Variants in GABRG3 observed in about 807,000 individuals in gnomAD.
GABRG3 encodes the protein gamma-aminobutyric acid receptor subunit gamma-3.
A neutral mutation model predicts 48.8 loss-of-function variants in GABRG3; 25 were observed. That is an observed-to-expected ratio of 0.51 (90% CI 0.37 to 0.72). The LOEUF is 0.72. Among genes scored for constraint, GABRG3 ranks in the 30% least tolerant of loss-of-function variants. The probability of loss-of-function intolerance (pLI) is 0.00; values close to 1 mark genes in which losing one functional copy is unlikely to be tolerated. For missense variants in GABRG3, 394 were observed against 577.9 expected (o/e 0.68, Z 3.26); for synonymous variants, 227 against 217.6 (o/e 1.04, Z -0.38).
Position 27,392,442 on chromosome 15 carries a change from G to A in GABRG3, c.574+63554G>A, listed in dbSNP as rs368978743. Among the ~76,000 whole-genome samples, 57 of 152,286 alleles carry A rather than the reference G, an allele frequency of 3.7e-4. No homozygotes were observed. The South Asian group carries it at 5.4e-3, about 14-fold the overall frequency. Reference sequence around the variant, plus strand: ...ACAATGTTTTTATTATCCATAGACCGGGGTTATGCGTTTTTGAGAGGAAGA... The same window carrying A: ...ACAATGTTTTTATTATCCATAGACCAGGGTTATGCGTTTTTGAGAGGAAGA... On this transcript the variant is annotated intron_variant, in intron 5 of 9. Coordinates refer to ENST00000615808, the MANE Select transcript of GABRG3 (RefSeq NM_033223.5).
intron 6 of GABRG3, among the ~76,000 whole-genome samples, chr15:27,513,895 A>T (rs1018674996): frequency 1.3e-5 from 2 of 152,236 alleles, no homozygotes; most frequent in African/African-American, 4.8e-5. Context: ...TCAAGAACTA[A>T]ATCTAACAAA....
intron 3 of GABRG3, among the ~76,000 whole-genome samples, chr15:27,302,482 T>C (rs575914240): frequency 6.6e-6 from 1 of 152,172 alleles, no homozygotes; most frequent in East Asian, 1.9e-4. Flanking sequence ...AGATGCAACA[T>C]ACATGAAGCA....
chr15:27,188,266 T>C (rs1888166320), intron 3 of GABRG3, among the ~76,000 whole-genome samples: 1 of 152,152 alleles, frequency 6.6e-6, no homozygotes, highest in Non-Finnish European at 1.5e-5. Context: ...CTGGGTCAAA[T>C]GGTATTTCTA....
At chr15:27,097,305 GGC>G (rs935993230) in intron 3 of GABRG3, among the ~76,000 whole-genome samples, 12 of 152,030 alleles carry the variant, frequency 7.9e-5, no homozygotes, top group African/African-American at 2.9e-4. Flanking sequence ...CAAGAGTATG[GGC>G]TCCTGGGGAC....
chr15:27,434,810 T>A (rs2140626471), intron 5 of GABRG3, among the ~76,000 whole-genome samples: 1 of 152,264 alleles, frequency 6.6e-6, no homozygotes, highest in African/African-American at 2.4e-5. Flanking sequence ...TTCTTTGACG[T>A]CTAACAGGAG....
chr15:27,463,279 C>A (rs1889503988), intron 5 of GABRG3, among the ~76,000 whole-genome samples: 1 of 152,038 alleles, frequency 6.6e-6, no homozygotes, highest in Non-Finnish European at 1.5e-5. Context: ...TGTTAAAATT[C>A]TATTGAAGAA....
In GABRG3 at chr15:27,319,733, A is replaced by G. The variant is rs1329339174; in HGVS notation, c.271-7076A>G. The stretch of plus-strand genomic sequence containing the variant: ...TACCAATGCGTGCACCATGGTGGCT[A>G]TAGTAACGGGTTGGTTTGTAAGCAA... On this transcript the variant is annotated intron_variant, in intron 3 of 9. Transcript: ENST00000615808. The surrounding 1 kb of genome is among the most constrained non-coding windows in gnomAD (Gnocchi z 4.4). 6.6e-6 allele frequency among the ~76,000 whole-genome samples: 1 copy of G among 152,134 alleles called. No homozygotes were observed. The highest frequency in any genetic ancestry group is 2.4e-5 in the African/African-American group (1 of 41,424).
intron 2 of GABRG3, among the ~76,000 whole-genome samples, chr15:27,022,304 C>T (rs1895910223): frequency 6.6e-6 from 1 of 152,178 alleles, no homozygotes; most frequent in African/African-American, 2.4e-5. Flanking sequence ...GGCTTCTTCT[C>T]TTCTTCTTAT....
At chr15:27,031,177 A>G (rs1896080657) in intron 3 of GABRG3, among the ~76,000 whole-genome samples, 1 of 152,046 alleles carries the variant, frequency 6.6e-6, no homozygotes, top group Non-Finnish European at 1.5e-5. Context: ...CATCTTTATC[A>G]TGCAAAGCCT....
rs1566769768 is a variant in GABRG3, at chr15:27,307,006, G to GTTTATAAACATA, written c.271-19802_271-19801insTTATAAACATAT. Among the ~76,000 whole-genome samples the GTTTATAAACATA allele has an allele frequency of 2.5e-4, 20 of 78,598 alleles. 4 individuals are homozygous for GTTTATAAACATA. The highest frequency in any genetic ancestry group is 4.0e-4 in the Non-Finnish European group (17 of 42,816). The allele number at this position is 78,598 out of a possible 152,430, so 51.6% of individuals were successfully genotyped here. On this transcript the variant is annotated intron_variant, in intron 3 of 9. Coordinates refer to ENST00000615808, the MANE Select transcript of GABRG3 (RefSeq NM_033223.5). Reference sequence around the variant, plus strand: ...TATAAACATGTTTATATATAAACATGTATAAACATGTTTATATATAAACAT... The same window carrying GTTTATAAACATA: ...TATAAACATGTTTATATATAAACATGTTTATAAACATATATAAACATGTTTATATATAAACAT...
intron 6 of GABRG3, among the ~76,000 whole-genome samples, chr15:27,506,487 G>A (rs1890763740): frequency 6.6e-6 from 1 of 152,182 alleles, no homozygotes; most frequent in Admixed American, 6.5e-5. Context: ...AGACAGTGGA[G>A]AAACAAGGGA....
intron 3 of GABRG3, chr15:27,271,555 G>A: frequency 2.2e-6 from 1 of 456,000 alleles, no homozygotes; most frequent in Non-Finnish European, 4.4e-6. Context: ...GCTGGGGTGA[G>A]GGGTACAGAA....
intron 5 of GABRG3, among the ~76,000 whole-genome samples, chr15:27,367,230 T>C (rs1895237573): frequency 6.6e-6 from 1 of 152,192 alleles, no homozygotes; most frequent in African/African-American, 2.4e-5. Flanking sequence ...TCCTGTCTCG[T>C]GAGAACACCC....
At chr15:27,112,031 C>T (rs1192302500) in intron 3 of GABRG3, among the ~76,000 whole-genome samples, 4 of 152,170 alleles carry the variant, frequency 2.6e-5, no homozygotes, top group South Asian at 2.1e-4. Flanking sequence ...TCTGGTGGAA[C>T]GCTTGAAGAA....
chr15:27,410,542 A>G (rs150367037), intron 5 of GABRG3, among the ~76,000 whole-genome samples: 50 of 152,248 alleles, frequency 3.3e-4, no homozygotes, highest in African/African-American at 1.1e-3. Context: ...TATATATTTA[A>G]TTTGTGTAAT....
chr15:27,182,822 G>C (rs1379068437), intron 3 of GABRG3, among the ~76,000 whole-genome samples: 2 of 152,182 alleles, frequency 1.3e-5, no homozygotes, highest in East Asian at 3.9e-4. Flanking sequence ...CTAATGAACA[G>C]GATGTCCATT....
intron 3 of GABRG3, among the ~76,000 whole-genome samples, chr15:27,065,653 G>C (rs989294077): frequency 2.0e-5 from 3 of 152,174 alleles, no homozygotes; most frequent in African/African-American, 7.2e-5. Context: ...TAAGACTTTC[G>C]TTTGCAAAGA....
intron 3 of GABRG3, among the ~76,000 whole-genome samples, chr15:27,251,893 C>T (rs965748449): frequency 1.3e-5 from 2 of 152,208 alleles, no homozygotes; most frequent in African/African-American, 4.8e-5. Context: ...TAGCCCGGGC[C>T]TGCGTCCTTG....
At chr15:27,266,026 A>G (rs1890910848) in intron 3 of GABRG3, among the ~76,000 whole-genome samples, 1 of 151,740 alleles carries the variant, frequency 6.6e-6, no homozygotes, top group Admixed American at 6.6e-5. Flanking sequence ...GATTACAGGC[A>G]TGTGCCACCA....
Sources: gnomAD v4.1 joint callset for allele counts (sites outside exome capture counted in the v4.1 genomes callset) on GRCh38, gnomAD v4.1.1 for gene constraint, Gnocchi (gnomAD v3.1) non-coding constraint, MANE v1.5 for transcripts, NCBI Gene and HGNC (gene_info 2026-07-23, HGNC 2026-07-21) for gene names.